SV2C: variants seen among roughly 807,000 people sequenced by gnomAD.
The protein encoded by SV2C is synaptic vesicle glycoprotein 2C, also known as solute carrier family 22 member B3.
A neutral mutation model predicts 79.7 loss-of-function variants in SV2C; 49 were observed. The ratio of observed to expected loss-of-function variants is 0.61; its 90% CI spans 0.49 to 0.78. The LOEUF (loss-of-function observed/expected upper bound fraction) is 0.78, where lower values mean the gene tolerates loss of function less well. SV2C is among the 30% of genes least tolerant of loss of function. The pLI, the probability that SV2C is intolerant of heterozygous loss-of-function variation, is 0.00. For synonymous variants in SV2C, 334 were observed against 333.2 expected (o/e 1.00, Z -0.03); for missense variants, 833 against 912.9 (o/e 0.91, Z 1.13).
At chr5:76,166,909 G>A (rs1743062232) in intron 2 of SV2C, among the ~76,000 whole-genome samples, 2 of 152,190 alleles carry the variant, frequency 1.3e-5, no homozygotes, top group African/African-American at 2.4e-5. Context: ...GGATGCTTGG[G>A]TATGGGGTTT....
At chr5:76,061,930 A>G in the SV2C span, among the ~76,000 whole-genome samples, 1 of 146,236 alleles carries the variant, frequency 6.8e-6, no homozygotes, top group South Asian at 2.3e-4. Flanking sequence ...TATTTTCTTT[A>G]CAGAGAATGA....
At chr5:76,225,228 T>C (rs1333548995) in intron 4 of SV2C, among the ~76,000 whole-genome samples, 2 of 152,224 alleles carry the variant, frequency 1.3e-5, no homozygotes, top group Non-Finnish European at 1.5e-5. Flanking sequence ...TCCTTCTCAA[T>C]GATGGAAGGG....
the SV2C span, among the ~76,000 whole-genome samples, chr5:76,073,939 T>A: frequency 6.6e-6 from 1 of 152,108 alleles, no homozygotes; most frequent in Non-Finnish European, 1.5e-5. Flanking sequence ...GTAGAGAAAC[T>A]TGATGAGTCT....
chr5:76,320,199 C>G (rs559498975), intron 12 of SV2C, among the ~76,000 whole-genome samples: 1 of 147,876 alleles, frequency 6.8e-6, no homozygotes, highest in East Asian at 2.0e-4. Context: ...CTTTAAAAAG[C>G]TACATACTGT....
chr5:76,002,841 C>T, the SV2C span, among the ~76,000 whole-genome samples: 2 of 150,938 alleles, frequency 1.3e-5, no homozygotes, highest in African/African-American at 4.9e-5. Flanking sequence ...ATCAGCTACC[C>T]AGCTACCCAT....
chr5:76,350,455 C>T (rs1749624195), intron 12 of SV2C, among the ~76,000 whole-genome samples: 1 of 152,232 alleles, frequency 6.6e-6, no homozygotes, highest in Non-Finnish European at 1.5e-5. Context: ...ATGAGTGCAG[C>T]AGCCAGGTTC....
chr5:76,078,660 C>T (rs1041865008), upstream of SV2C: 1 of 442,526 alleles, frequency 2.3e-6, no homozygotes, highest in African/African-American at 2.0e-5. Flanking sequence ...AGGGCCTCGC[C>T]TCACTGTCAC....
chr5:76,038,545 T>A, the SV2C span, among the ~76,000 whole-genome samples: 1 of 152,242 alleles, frequency 6.6e-6, no homozygotes, highest in African/African-American at 2.4e-5. Context: ...AGTTGTCATA[T>A]AAATGTTAAT....
At chr5:75,918,732 A>G in the SV2C span, among the ~76,000 whole-genome samples, 2 of 152,240 alleles carry the variant, frequency 1.3e-5, no homozygotes, top group African/African-American at 4.8e-5. Context: ...GGTAGATAAC[A>G]AGAGTGATAG....
the SV2C span, among the ~76,000 whole-genome samples, chr5:76,053,917 G>T: frequency 4.6e-5 from 7 of 151,906 alleles, no homozygotes; most frequent in African/African-American, 1.7e-4. Context: ...GGATACTATA[G>T]GAATGAAAAT....
intron 2 of SV2C, among the ~76,000 whole-genome samples, chr5:76,166,634 T>C (rs1743055241): frequency 6.6e-6 from 1 of 152,218 alleles, no homozygotes. Flanking sequence ...GCAGCATCTA[T>C]TAAGTGCTGC....
intron 2 of SV2C, among the ~76,000 whole-genome samples, chr5:76,151,825 A>G (rs1288657021): frequency 6.6e-6 from 1 of 152,078 alleles, no homozygotes; most frequent in South Asian, 2.1e-4. Flanking sequence ...CACCCAGTGA[A>G]TCTTTGTTGA....
the SV2C span, among the ~76,000 whole-genome samples, chr5:75,950,427 C>T: frequency 0.13 from 19,724 of 151,946 alleles, 3,652 homozygotes; most frequent in African/African-American, 0.41. Context: ...ATTTATAAAA[C>T]GATGAATATT....
chr5:76,245,221 C>A (rs1262295517), intron 4 of SV2C, among the ~76,000 whole-genome samples: 1 of 152,148 alleles, frequency 6.6e-6, no homozygotes, highest in African/African-American at 2.4e-5. Context: ...GTTAATTCCT[C>A]AATGCCAGAT....
intron 4 of SV2C, among the ~76,000 whole-genome samples, chr5:76,282,727 AGGCTAGGCACAGT>A (rs2112492200): frequency 6.6e-6 from 1 of 152,272 alleles, no homozygotes; most frequent in East Asian, 1.9e-4. Flanking sequence ...GTGGTACCAG[AGGCTAGGCACAGT>A]GGCTCACACT....
intron 12 of SV2C, among the ~76,000 whole-genome samples, chr5:76,347,779 C>T (rs945277458): frequency 7.2e-5 from 11 of 152,136 alleles, no homozygotes; most frequent in East Asian, 3.9e-4. Flanking sequence ...TATTTTAGAA[C>T]GGTTTTAGGC....
chr5:76,082,634 A>ACC (rs70979367), upstream of SV2C, among the ~76,000 whole-genome samples: 46 of 111,272 alleles, frequency 4.1e-4, no homozygotes, highest in African/African-American at 8.0e-4. Flanking sequence ...CTCTCTCTCC[A>ACC]CCCCCCCCCC....
intron 3 of SV2C, among the ~76,000 whole-genome samples, chr5:76,208,336 C>T (rs1441489022): frequency 6.6e-6 from 1 of 152,114 alleles, no homozygotes; most frequent in Non-Finnish European, 1.5e-5. Context: ...ATGCTCTTTA[C>T]CGTTTATAGC....
the SV2C span, among the ~76,000 whole-genome samples, chr5:75,966,977 A>G: frequency 1.3e-5 from 2 of 152,116 alleles, no homozygotes; most frequent in Non-Finnish European, 1.5e-5. Context: ...CACAATTAAC[A>G]TGATTGTTGA....
Sources: allele counts gnomAD v4.1 joint callset (sites outside exome capture counted in the v4.1 genomes callset), GRCh38; gene constraint gnomAD v4.1.1; transcripts MANE v1.5; gene names NCBI Gene and HGNC (gene_info 2026-07-23, HGNC 2026-07-21).